Variants in RAET1E observed in about 807,000 individuals in gnomAD.
RAET1E encodes the protein retinoic acid early transcript 1E, also known as NKG2D ligand 4.
RAET1E carries 27 observed loss-of-function variants against 21.1 expected under a neutral mutation model. The ratio of observed to expected loss-of-function variants is 1.28; its 90% CI spans 0.94 to 1.76. The LOEUF (loss-of-function observed/expected upper bound fraction) is 1.76. Ranked by LOEUF, RAET1E falls within the 40% of genes most tolerant of loss-of-function variation. RAET1E has a pLI of 0.00. For synonymous variants in RAET1E, 113 were observed against 115.0 expected (o/e 0.98, Z 0.11); for missense variants, 310 against 311.3 (o/e 1.00, Z 0.03).
rs952757596 is a variant in RAET1E at position 149,883,859 on chromosome 6, A to G, written c.*4639T>C. Reference sequence around the variant, plus strand: ...AATGTGAATTGCACGTTTGCTTATGAGTAACTTAGTCTGTGAGAAATGGTG... The same window carrying G: ...AATGTGAATTGCACGTTTGCTTATGGGTAACTTAGTCTGTGAGAAATGGTG... On this transcript the variant is annotated 3_prime_UTR_variant, in exon 6 of 6. Transcript: ENST00000357183. The G allele has an allele frequency of 1.3e-5, 2 of 153,018 alleles. No homozygotes were observed. The highest frequency in any genetic ancestry group is 2.4e-5 in the African/African-American group (1 of 41,456). The allele number at this position is 153,018 out of a possible 1,614,324, so 9.5% of individuals were successfully genotyped here. A position where few individuals can be genotyped will look rare whatever the true frequency, so the allele number is the denominator to read the frequency against.
chr6:149,886,739 C>G lies in RAET1E; in HGVS notation c.*1759G>C, dbSNP rs1053074238. On this transcript the variant is annotated 3_prime_UTR_variant, in exon 6 of 6. Transcript: ENST00000357183. ...AAAAATGGCCCTTCTTGGTGAATGTCCCTGTGTATTTGAAAAGACACTCCC... is the reference window on the plus strand; with the variant it reads ...AAAAATGGCCCTTCTTGGTGAATGTGCCTGTGTATTTGAAAAGACACTCCC... 1.3e-5 allele frequency among the ~76,000 whole-genome samples: 2 copies of G among 152,186 alleles called. No individual in the cohort carries two copies. The highest frequency in any genetic ancestry group is 2.9e-5 in the Non-Finnish European group (2 of 68,034).
At position 149,890,765 on chromosome 6, in the gene RAET1E, C is replaced by T. The variant is rs1031406811; in HGVS notation, c.85+52G>A. On this transcript the variant is annotated intron_variant, in intron 3 of 5. Transcript: ENST00000357183. The stretch of plus-strand genomic sequence containing the variant: ...TGAAGCCCCATTCGCCTACCCCCTA[C>T]CTTTCTCCCTCCTCCTTGTCCTCAG... 7.5e-6 allele frequency: 10 copies of T among 1,325,598 alleles called. No individual in the cohort carries two copies. In the Admixed American group the frequency reaches 1.5e-4, roughly 20 times the overall value. 82.1% of individuals were successfully genotyped at this position (1,325,598 alleles called of 1,614,324 possible). A position where few individuals can be genotyped will look rare whatever the true frequency, so the allele number is the denominator to read the frequency against.
In RAET1E at chr6:149,884,453, C is replaced by T. The variant is rs758356816; in HGVS notation, c.*4045G>A. On this transcript the variant is annotated 3_prime_UTR_variant, in exon 6 of 6. Transcript: ENST00000357183. ...CAAGGCTGTCAGCGATCGAGGACCA[C>T]AGGTGAACAACTCTGCGCCGCCGTG... 15 of 1,534,284 alleles carry T rather than the reference C, an allele frequency of 9.8e-6. No individual in the cohort carries two copies. The South Asian group carries it at 1.8e-4, about 18-fold the overall frequency.
chr6:149,894,220 G>A (rs1321648031), intron 2 of RAET1E, among the ~76,000 whole-genome samples: 1 of 152,136 alleles, frequency 6.6e-6, no homozygotes, highest in Non-Finnish European at 1.5e-5. Flanking sequence ...GAGTTAGGGA[G>A]GATTCCCTCT....
rs1385533466 is a variant in RAET1E, at chr6:149,884,656, T to C, written c.*3842A>G. On this transcript the variant is annotated 3_prime_UTR_variant, in exon 6 of 6. Coordinates refer to ENST00000357183, the MANE Select transcript of RAET1E (RefSeq NM_001394057.1). Reference sequence around the variant, plus strand: ...TTCTGCCTCTCTGTCATCTAGTTTATGATTGTTCACTTTCCGTTACTTCAT... The same window carrying C: ...TTCTGCCTCTCTGTCATCTAGTTTACGATTGTTCACTTTCCGTTACTTCAT... Among the ~76,000 whole-genome samples the C allele has an allele frequency of 6.6e-6, 1 of 152,236 alleles. No individual in the cohort carries two copies. Among genetic ancestry groups the C allele is most frequent in the African/African-American group, 2.4e-5 (1 of 41,466 alleles).
intron 4 of RAET1E, 49 bp downstream of exon 4, chr6:149,889,836 C>G (rs1204711038): frequency 6.3e-7 from 1 of 1,591,058 alleles, no homozygotes; most frequent in Non-Finnish European, 8.6e-7. Flanking sequence ...GTTCTTCCCT[C>G]CCCTCTCTTA....
Position 149,887,205 on chromosome 6 carries a change from C to T in RAET1E, c.*1293G>A, listed in dbSNP as rs1777649806. Among the ~76,000 whole-genome samples the T allele has an allele frequency of 6.6e-6, 1 of 152,210 alleles. No individual in the cohort carries two copies. Among genetic ancestry groups the T allele is most frequent in the Non-Finnish European group, 1.5e-5 (1 of 68,042 alleles). On this transcript the variant is annotated 3_prime_UTR_variant, in exon 6 of 6. Transcript: ENST00000357183. ...CTCCTTTAAATCCCTACTGTTCAGA[C>T]CCAGCTTCTAAAACTGTTCTTTTGC...
intron 5 of RAET1E, 171 bp downstream of exon 5, chr6:149,889,177 T>C: frequency 6.9e-7 from 1 of 1,440,330 alleles, no homozygotes. Flanking sequence ...GGAGGTGGGA[T>C]GGGAAAGGGA....
chr6:149,887,878 CA>C lies in RAET1E; in HGVS notation c.*619del, dbSNP rs368386506. Among the ~76,000 whole-genome samples the C allele has an allele frequency of 6.6e-6, 1 of 152,308 alleles. No homozygotes were observed. The highest frequency in any genetic ancestry group is 1.5e-5 in the Non-Finnish European group (1 of 68,030). ...GTGGCGGAGAAACAGGACCAAAGAG[CA>C]GAAGATGTCTGGCAATGTGTCTGGC... On this transcript the variant is annotated 3_prime_UTR_variant, in exon 6 of 6. Transcript: ENST00000357183.
Position 149,887,659 on chromosome 6 carries a change from C to T in RAET1E, c.*839G>A, listed in dbSNP as rs1000465444. Among the ~76,000 whole-genome samples the T allele has an allele frequency of 6.6e-6, 1 of 152,142 alleles. No individual in the cohort carries two copies. Among genetic ancestry groups the T allele is most frequent in the South Asian group, 2.1e-4 (1 of 4,818 alleles). ...GTCAGATGGAGTAGCCTATTTTTCTCATTAGAGGGAATCCTAACTTTGAAC... is the reference window on the plus strand; with the variant it reads ...GTCAGATGGAGTAGCCTATTTTTCTTATTAGAGGGAATCCTAACTTTGAAC... On this transcript the variant is annotated 3_prime_UTR_variant, in exon 6 of 6. Coordinates refer to ENST00000357183, the MANE Select transcript of RAET1E (RefSeq NM_001394057.1).
In RAET1E at chr6:149,891,186, C is replaced by CA. The variant is rs67210363; in HGVS notation, c.-133-153dup. ...TCCTCTCCTGTCCCTGCTGCCCCTG[C>CA]AAAAAAAACCCCCTCTGGTGTGAGC... On this transcript the variant is annotated intron_variant, in intron 2 of 5. Coordinates refer to ENST00000357183, the MANE Select transcript of RAET1E (RefSeq NM_001394057.1). 4.0e-5 allele frequency among the ~76,000 whole-genome samples: 6 copies of CA among 151,890 alleles called. No individual in the cohort carries two copies. In the South Asian group the frequency reaches 6.2e-4, roughly 16 times the overall value.
At position 149,884,970 on chromosome 6, in the gene RAET1E, C is replaced by T. The variant is rs1777545151; in HGVS notation, c.*3528G>A. ...GTCTAGGGTTCACTTTCAGCCTTCC[C>T]TTCTGCTCACAATCCCCTCTCCCAC... On this transcript the variant is annotated 3_prime_UTR_variant, in exon 6 of 6. Transcript: ENST00000357183. Among the ~76,000 whole-genome samples, 1 of 152,180 alleles carries T rather than the reference C, an allele frequency of 6.6e-6. No individual in the cohort carries two copies. Among genetic ancestry groups the T allele is most frequent in the South Asian group, 2.1e-4 (1 of 4,836 alleles).
rs371726293 is a variant in RAET1E at position 149,885,813 on chromosome 6, G to A, written c.*2685C>T. 6.6e-6 allele frequency: 1 copy of A among 152,188 alleles called. No individual in the cohort carries two copies. The highest frequency in any genetic ancestry group is 1.5e-5 in the Non-Finnish European group (1 of 68,046). The allele number at this position is 152,188 out of a possible 1,614,324, so 9.4% of individuals were successfully genotyped here. On this transcript the variant is annotated 3_prime_UTR_variant, in exon 6 of 6. Transcript: ENST00000357183. ...ACTCAAGTCCTCACATGTCCTGAGC[G>A]TCTACTATATAGCAGCCATGATAGA...
chr6:149,889,377 C>T lies in RAET1E; in HGVS notation c.593G>A (p.Gly198Glu). The change falls in exon 5 of 6, where the codon GGG becomes GAG. Residue 198 changes from glycine (G) to glutamate (E), a missense_variant. By Grantham distance (98) the Gly-to-Glu change is moderately conservative. Transcript: ENST00000357183. ...DCDHWLREFLGHWEAMPEPTV... is the reference protein window; with the variant it reads ...DCDHWLREFLEHWEAMPEPTV... ...CGGTTCTGGCATTGCCTCCCAGTGC[C>T]CTAAGAATTCCCTGAGCCAGTGATC... The T allele has an allele frequency of 6.2e-7, 1 of 1,614,162 alleles. No individual in the cohort carries two copies. The highest frequency in any genetic ancestry group is 2.2e-5 in the East Asian group (1 of 44,870).
rs936175594 is a variant in RAET1E at position 149,888,112 on chromosome 6, A to G, written c.*386T>C. On this transcript the variant is annotated 3_prime_UTR_variant, in exon 6 of 6. Transcript: ENST00000357183. ...AAGGATTTCTTATACCACATCTTGTATGTTATCTGGGAGTAAATGCTGCAG... is the reference window on the plus strand; with the variant it reads ...AAGGATTTCTTATACCACATCTTGTGTGTTATCTGGGAGTAAATGCTGCAG... 4.1e-6 allele frequency: 2 copies of G among 486,050 alleles called. No homozygotes were observed. The highest frequency in any genetic ancestry group is 3.9e-5 in the African/African-American group (2 of 51,260). 30.1% of individuals were successfully genotyped at this position (486,050 alleles called of 1,614,324 possible). A position where few individuals can be genotyped will look rare whatever the true frequency, so the allele number is the denominator to read the frequency against.
In RAET1E at chr6:149,886,615, G is replaced by A. The variant is rs1273225999; in HGVS notation, c.*1883C>T. On this transcript the variant is annotated 3_prime_UTR_variant, in exon 6 of 6. Transcript: ENST00000357183. ...TCGCCATGTTGGCCAGGCTGGTCTCGAACTCCTGACCTCAAATGATCCACC... is the reference window on the plus strand; with the variant it reads ...TCGCCATGTTGGCCAGGCTGGTCTCAAACTCCTGACCTCAAATGATCCACC... 5.9e-5 allele frequency among the ~76,000 whole-genome samples: 9 copies of A among 152,148 alleles called. No individual in the cohort carries two copies. The highest frequency in any genetic ancestry group is 1.9e-4 in the African/African-American group (8 of 41,428).
chr6:149,888,477 C>T lies in RAET1E; in HGVS notation c.*21G>A. 1 of 1,606,792 alleles carries T rather than the reference C, an allele frequency of 6.2e-7. No individual in the cohort carries two copies. Among genetic ancestry groups the T allele is most frequent in the Non-Finnish European group, 8.5e-7 (1 of 1,176,360 alleles). On this transcript the variant is annotated 3_prime_UTR_variant, in exon 6 of 6. Transcript: ENST00000357183. ...GGCTTGGATGAGACCCATGATTCAC[C>T]TCTCTTGAGTCCTTACCAGACTAAG...
chr6:149,889,387 C>T lies in RAET1E; in HGVS notation c.583G>A (p.Glu195Lys). ...SKGDCDHWLREFLGHWEAMPE... is the reference protein window; with the variant it reads ...SKGDCDHWLRKFLGHWEAMPE... ...ATTGCCTCCCAGTGCCCTAAGAATT[C>T]CCTGAGCCAGTGATCGCAGTCTCCC... Residue 195 changes from glutamate (E) to lysine (K), a missense_variant, in exon 5 of 6, where the codon GAA (glutamate) becomes AAA (lysine). By Grantham distance (56) the Glu-to-Lys change is moderately conservative. Transcript: ENST00000357183. 6.2e-7 allele frequency: 1 copy of T among 1,614,208 alleles called. No individual in the cohort carries two copies. Among genetic ancestry groups the T allele is most frequent in the Non-Finnish European group, 8.5e-7 (1 of 1,180,052 alleles).
At chr6:149,896,299 A>G (rs1247227953) in intron 1 of RAET1E, 1 of 152,270 alleles carries the variant, frequency 6.6e-6, no homozygotes, top group East Asian at 1.9e-4. Context: ...CAAAGAAAGT[A>G]ACCATGGACT....
Sources: gnomAD v4.1 joint callset for allele counts (sites outside exome capture counted in the v4.1 genomes callset) on GRCh38, gnomAD v4.1.1 for gene constraint, MANE v1.5 for transcripts, NCBI Gene and HGNC (gene_info 2026-07-23, HGNC 2026-07-21) for gene names.